The following ACOT7 variants were observed in gnomAD, a reference collection of about 807,000 sequenced individuals.
ACOT7 encodes the protein acyl-CoA thioesterase 7.
In ACOT7, 12 loss-of-function variants were observed where a neutral mutation model predicts 40.2. That is an observed-to-expected ratio of 0.30 (90% CI 0.19 to 0.48). The LOEUF is 0.48. ACOT7 is among the 20% of genes least tolerant of loss of function. The pLI is 0.99. For synonymous variants in ACOT7, 228 were observed against 219.5 expected (o/e 1.04, Z -0.34); for missense variants, 395 against 530.8 (o/e 0.74, Z 2.51).
chr1:6,344,715 G>C (rs1641368577), intron 2 of ACOT7, among the ~76,000 whole-genome samples: 1 of 133,992 alleles, frequency 7.5e-6, no homozygotes. Context: ...AGTGAGCTGA[G>C]ACCGCACCAT....
intron 1 of ACOT7, among the ~76,000 whole-genome samples, chr1:6,373,867 A>C: frequency 6.8e-6 from 1 of 147,500 alleles, no homozygotes; most frequent in East Asian, 2.0e-4. Flanking sequence ...CTCCATCTTA[A>C]AAAAAAAAAA....
chr1:6,320,666 T>C (rs1322964114), intron 5 of ACOT7, among the ~76,000 whole-genome samples: 3 of 152,188 alleles, frequency 2.0e-5, no homozygotes, highest in Non-Finnish European at 1.5e-5. Flanking sequence ...TCACACCCGC[T>C]GCAGGGCAGG....
In ACOT7 at chr1:6,330,316, T is replaced by C. The variant is rs965398925; in HGVS notation, c.511-2903A>G. Among the ~76,000 whole-genome samples, 3 of 152,116 alleles carry C rather than the reference T, an allele frequency of 2.0e-5. No homozygotes were observed. Among genetic ancestry groups the C allele is most frequent in the African/African-American group, 7.2e-5 (3 of 41,414 alleles). ...GGAGCCAGGGAAGGAAGCTGTACTT[T>C]CTGGGATTCCTAAGCAGGCCTCTGG... On this transcript the variant is annotated intron_variant, in intron 4 of 8. Transcript: ENST00000361521. The surrounding 1 kb of genome is among the most constrained non-coding windows in gnomAD (Gnocchi z 4.6).
intron 6 of ACOT7, among the ~76,000 whole-genome samples, chr1:6,312,846 A>G (rs974146815): frequency 2.0e-5 from 3 of 152,204 alleles, no homozygotes; most frequent in Admixed American, 6.5e-5. Flanking sequence ...CTATGTACCC[A>G]AAAAATTTTT....
intron 1 of ACOT7, among the ~76,000 whole-genome samples, chr1:6,373,865 T>TAAA (rs1278776993): frequency 1.5e-5 from 2 of 135,036 alleles, no homozygotes; most frequent in Admixed American, 7.5e-5. Context: ...AACTCCATCT[T>TAAA]AAAAAAAAAA....
chr1:6,361,213 G>A (rs565398448), intron 1 of ACOT7, among the ~76,000 whole-genome samples: 1 of 152,310 alleles, frequency 6.6e-6, no homozygotes, highest in East Asian at 1.9e-4. Context: ...CACCCTGGGT[G>A]AAAGAAGTCA....
Position 6,306,225 on chromosome 1 carries a change from G to GGAGGGA in ACOT7, c.713-11246_713-11245insTCCCTC. On this transcript the variant is annotated intron_variant, in intron 6 of 8. Transcript: ENST00000361521. The surrounding 1 kb of genome is among the most constrained non-coding windows in gnomAD (Gnocchi z 4.3). ...CGTGGGGAGAGGGGGAGGGGGAGGG[G>GGAGGGA]GAGAGGGAGAGGACGTTCTTACGGT... is the stretch of plus-strand genomic sequence containing the variant. 1.0e-6 allele frequency: 1 copy of GGAGGGA among 977,086 alleles called. No individual in the cohort carries two copies. The highest frequency in any genetic ancestry group is 1.8e-5 in the African/African-American group (1 of 55,790). 60.5% of individuals were successfully genotyped at this position (977,086 alleles called of 1,614,324 possible).
rs748612683 is a variant in ACOT7, at chr1:6,352,594, CT to C, written c.144-2729del. Among the ~76,000 whole-genome samples, 216 of 143,482 alleles carry C rather than the reference CT, an allele frequency of 1.5e-3. No individual in the cohort carries two copies. Among genetic ancestry groups the C allele is most frequent in the Admixed American group, 2.0e-3 (29 of 14,394 alleles). The allele number at this position is 143,482 out of a possible 152,430, so 94.1% of individuals were successfully genotyped here. ...CACTGGAGACTTCGTTTTCCCATTT[CT>C]TTTTTTTTTTTTTTGAGACGGCGTC... On this transcript the variant is annotated intron_variant, in intron 1 of 8. Coordinates refer to ENST00000361521, the MANE Select transcript of ACOT7 (RefSeq NM_007274.4). The surrounding 1 kb of genome is among the most constrained non-coding windows in gnomAD (Gnocchi z 4.5).
intron 8 of ACOT7, among the ~76,000 whole-genome samples, chr1:6,265,981 A>C (rs1299257620): frequency 1.3e-5 from 2 of 152,164 alleles, no homozygotes; most frequent in Non-Finnish European, 2.9e-5. Context: ...CAGTCTCTAA[A>C]TGTCACCAGG....
Position 6,282,069 on chromosome 1 carries a change from C to A in ACOT7, c.830-783G>T, listed in dbSNP as rs541114899. Among the ~76,000 whole-genome samples, 57 of 152,040 alleles carry A rather than the reference C, an allele frequency of 3.7e-4. No individual in the cohort carries two copies. The East Asian group carries it at 0.01, about 27-fold the overall frequency. ...TGTTCCCATGTCCCTCTCTCCCCCTCAACCCTAACCAACCTCTCTGTACGC... is the reference window on the plus strand; with the variant it reads ...TGTTCCCATGTCCCTCTCTCCCCCTAAACCCTAACCAACCTCTCTGTACGC... On this transcript the variant is annotated intron_variant, in intron 7 of 8. Coordinates refer to ENST00000361521, the MANE Select transcript of ACOT7 (RefSeq NM_007274.4). The surrounding 1 kb of genome is among the most constrained non-coding windows in gnomAD (Gnocchi z 4.5).
chr1:6,298,982 G>A (rs532484807), intron 6 of ACOT7, among the ~76,000 whole-genome samples: 1 of 152,370 alleles, frequency 6.6e-6, no homozygotes, highest in African/African-American at 2.4e-5. Context: ...AGCAGAGTCT[G>A]GAATGAGGCC....
At chr1:6,361,939 C>A (rs1256109286) in intron 1 of ACOT7, among the ~76,000 whole-genome samples, 1 of 152,178 alleles carries the variant, frequency 6.6e-6, no homozygotes, top group African/African-American at 2.4e-5. Flanking sequence ...AAAGGCACTC[C>A]CAAAATCTAA....
intron 1 of ACOT7, among the ~76,000 whole-genome samples, chr1:6,370,365 A>G (rs1253501540): frequency 6.6e-6 from 1 of 152,098 alleles, no homozygotes; most frequent in Non-Finnish European, 1.5e-5. Flanking sequence ...CAAATGGACT[A>G]AAGCCAGCAG....
chr1:6,268,729 G>A (rs1021993071), intron 8 of ACOT7, among the ~76,000 whole-genome samples: 3 of 152,242 alleles, frequency 2.0e-5, no homozygotes, highest in Non-Finnish European at 4.4e-5. Context: ...AAACCTCCAG[G>A]GCTTCATACA....
rs1180927958 is a variant in ACOT7, at chr1:6,264,344, C to T, written c.*253G>A. On this transcript the variant is annotated 3_prime_UTR_variant, in exon 9 of 9. Transcript: ENST00000361521. ...CCTACAGCGTGCTCGGAAGCATTCC[C>T]GAGGGTTTCTGCCCAACGCCTCCCG... 1.4e-5 allele frequency: 7 copies of T among 495,158 alleles called. No homozygotes were observed. The highest frequency in any genetic ancestry group is 8.0e-5 in the Admixed American group (2 of 25,068). 30.7% of individuals were successfully genotyped at this position (495,158 alleles called of 1,614,324 possible).
At chr1:6,273,530 GGC>G (rs1209572675) in intron 8 of ACOT7, among the ~76,000 whole-genome samples, 1 of 152,236 alleles carries the variant, frequency 6.6e-6, no homozygotes, top group Non-Finnish European at 1.5e-5. Context: ...CCTGTGGGCT[GGC>G]AGCAAGGTGG....
In ACOT7 at chr1:6,306,880, C is replaced by T; in HGVS notation, c.712+11612G>A. 1 of 1,289,142 alleles carries T rather than the reference C, an allele frequency of 7.8e-7. No homozygotes were observed. The highest frequency in any genetic ancestry group is 1.0e-6 in the Non-Finnish European group (1 of 988,686). 79.9% of individuals were successfully genotyped at this position (1,289,142 alleles called of 1,614,324 possible). On this transcript the variant is annotated intron_variant, in intron 6 of 8. Transcript: ENST00000361521. The surrounding 1 kb of genome is among the most constrained non-coding windows in gnomAD (Gnocchi z 4.3). Reference sequence around the variant, plus strand: ...TGCATTTTTCAGTGAAAGTCAACTCCTCCTGCAGGTGCAAAAGATTGTTTT... The same window carrying T: ...TGCATTTTTCAGTGAAAGTCAACTCTTCCTGCAGGTGCAAAAGATTGTTTT...
At chr1:6,318,906 G>C (rs1640566690) in intron 5 of ACOT7, among the ~76,000 whole-genome samples, 1 of 152,220 alleles carries the variant, frequency 6.6e-6, no homozygotes, top group Non-Finnish European at 1.5e-5. Context: ...CCCTCCACCA[G>C]GCTCTAGTTA....
intron 1 of ACOT7, chr1:6,360,551 C>A: frequency 6.2e-7 from 1 of 1,614,032 alleles, no homozygotes; most frequent in Non-Finnish European, 8.5e-7. Context: ...CCCATAGTTC[C>A]TCTCAGCTCC....
Sources: gnomAD v4.1 joint callset for allele counts (sites outside exome capture counted in the v4.1 genomes callset) on GRCh38, gnomAD v4.1.1 for gene constraint, Gnocchi (gnomAD v3.1) non-coding constraint, MANE v1.5 for transcripts, NCBI Gene and HGNC (gene_info 2026-07-23, HGNC 2026-07-21) for gene names.